SRRT: variants seen among roughly 807,000 people sequenced by gnomAD.
SRRT encodes the protein serrate, RNA effector molecule.
Under a neutral mutation model 103.2 loss-of-function variants are expected in SRRT, and 32 were observed. The ratio of observed to expected loss-of-function variants is 0.31; its 90% CI spans 0.23 to 0.42. The LOEUF (loss-of-function observed/expected upper bound fraction) is 0.42, where lower values mean the gene tolerates loss of function less well. Among genes scored for constraint, SRRT ranks in the 10% least tolerant of loss-of-function variants. The pLI is 1.00. For synonymous variants in SRRT, 525 were observed against 449.0 expected (o/e 1.17, Z -2.14); for missense variants, 986 against 1,207.5 (o/e 0.82, Z 2.72).
chr7:100,886,295 C>T lies in SRRT; in HGVS notation c.1507C>T (p.Arg503Cys). 2.5e-6 allele frequency: 4 copies of T among 1,613,170 alleles called. No individual in the cohort carries two copies. Among genetic ancestry groups the T allele is most frequent in the South Asian group, 1.1e-5 (1 of 91,034 alleles). Reference protein sequence around the residue: ...SPGVNRDLTRRVRNINGITQH... With the variant: ...SPGVNRDLTRCVRNINGITQH... ...TGGTGTGAACAGGGACCTGACCCGG[C>T]GCGTTCGCAACATCAACGGCATCAC... Residue 503 changes from arginine to cysteine, a missense_variant, in exon 13 of 20, where the codon CGC (arginine) becomes TGC (cysteine). Arg to Cys is a radical substitution (Grantham distance 180). Around this residue, in one of 6 missense-constraint regions of SRRT, gnomAD observed 349 missense variants for 446.9 expected, o/e 0.78. Coordinates refer to ENST00000611405, the MANE Select transcript of SRRT (RefSeq NM_015908.6).
chr7:100,878,100 C>G (rs1815925352), intron 2 of SRRT, among the ~76,000 whole-genome samples: 1 of 152,022 alleles, frequency 6.6e-6, no homozygotes, highest in African/African-American at 2.4e-5. Flanking sequence ...TTGCTTGAGC[C>G]CAGGAATTTG....
chr7:100,878,830 T>A (rs1160879497), intron 2 of SRRT, among the ~76,000 whole-genome samples: 1 of 152,180 alleles, frequency 6.6e-6, no homozygotes, highest in Non-Finnish European at 1.5e-5. Context: ...GCCTCCTGAT[T>A]AGCTGGGACT....
In SRRT at chr7:100,885,682, G is replaced by C. The variant is rs371724141; in HGVS notation, c.1318-19G>C. ...TGAATCCTTGAGTCACTGTGGGGCT[G>C]CTTTTCTGCTTCTTGCAGCTTTGTA... is the stretch of plus-strand genomic sequence containing the variant. On this transcript the variant is annotated intron_variant, in intron 10 of 19. Transcript: ENST00000611405. The surrounding 1 kb of genome is among the most constrained non-coding windows in gnomAD (Gnocchi z 4.8). The C allele has an allele frequency of 6.3e-7, 1 of 1,599,460 alleles. No homozygotes were observed. The highest frequency in any genetic ancestry group is 8.5e-7 in the Non-Finnish European group (1 of 1,172,126).
In SRRT at chr7:100,887,236, CT is replaced by C. The variant is rs764151145; in HGVS notation, c.1975+37del. The C allele has an allele frequency of 9.9e-6, 16 of 1,613,296 alleles. No homozygotes were observed. The highest frequency in any genetic ancestry group is 1.4e-5 in the Non-Finnish European group (16 of 1,179,382). ...GGTTCCCCTTTGTTCCCGGCTGCCC[CT>C]GGCCTTGGTCCTCCAGCCCCTTGCC... On this transcript the variant is annotated intron_variant, in intron 15 of 19. Coordinates refer to ENST00000611405, the MANE Select transcript of SRRT (RefSeq NM_015908.6). The surrounding 1 kb of genome is among the most constrained non-coding windows in gnomAD (Gnocchi z 4.1).
chr7:100,887,136 C>G lies in SRRT; in HGVS notation c.1911C>G (p.Pro637=). Reference sequence around the variant, plus strand: ...AGTACCCCAACGAGGACGAGATGCCCAATCGCTGTGGGATCATCCACGTTC... The same window carrying G: ...AGTACCCCAACGAGGACGAGATGCCGAATCGCTGTGGGATCATCCACGTTC... ...TCEYPNEDEM[P]NRCGIIHVRG... The change falls in exon 15 of 20, where the codon CCC becomes CCG. Residue 637 remains proline, a synonymous_variant. Coordinates refer to ENST00000611405, the MANE Select transcript of SRRT (RefSeq NM_015908.6). The surrounding 1 kb of genome is among the most constrained non-coding windows in gnomAD (Gnocchi z 4.1). 1 of 1,614,220 alleles carries G rather than the reference C, an allele frequency of 6.2e-7. No individual in the cohort carries two copies. The highest frequency in any genetic ancestry group is 8.5e-7 in the Non-Finnish European group (1 of 1,180,048).
rs1444536949 is a variant in SRRT, at chr7:100,882,287, T to A, written c.587+46T>A. On this transcript the variant is annotated intron_variant, in intron 5 of 19. Transcript: ENST00000611405. This position sits in a 1 kb window ranked among gnomAD's most constrained non-coding sequence, Gnocchi z 4.2. ...GGACCTCTGCCCTGGCATGTCCCCCTGGCCCCGCTGGTGGAGCCACAGCCC... is the reference window on the plus strand; with the variant it reads ...GGACCTCTGCCCTGGCATGTCCCCCAGGCCCCGCTGGTGGAGCCACAGCCC... 6.3e-7 allele frequency: 1 copy of A among 1,586,672 alleles called. No homozygotes were observed. The highest frequency in any genetic ancestry group is 8.6e-7 in the Non-Finnish European group (1 of 1,162,434).
chr7:100,887,520 G>C lies in SRRT; in HGVS notation c.2169+7G>C. On this transcript the variant is annotated splice_region_variant and intron_variant, in intron 16 of 19. Coordinates refer to ENST00000611405, the MANE Select transcript of SRRT (RefSeq NM_015908.6). The surrounding 1 kb of genome is among the most constrained non-coding windows in gnomAD (Gnocchi z 4.1). ...CAGTGGCAAGAAATTCAAGGTGTGG[G>C]ATGTTGGAGAATGGCCGTGCTACGG... The C allele has an allele frequency of 6.2e-7, 1 of 1,613,114 alleles. No individual in the cohort carries two copies. Among genetic ancestry groups the C allele is most frequent in the Non-Finnish European group, 8.5e-7 (1 of 1,179,328 alleles).
Position 100,885,482 on chromosome 7 carries a change from C to T in SRRT, c.1317+112C>T. 1.6e-6 allele frequency: 2 copies of T among 1,276,850 alleles called. No homozygotes were observed. The highest frequency in any genetic ancestry group is 2.2e-6 in the Non-Finnish European group (2 of 928,182). The allele number at this position is 1,276,850 out of a possible 1,614,324, so 79.1% of individuals were successfully genotyped here. On this transcript the variant is annotated intron_variant, in intron 10 of 19. Transcript: ENST00000611405. This position sits in a 1 kb window ranked among gnomAD's most constrained non-coding sequence, Gnocchi z 4.8. ...GCCCCCGTTTCACCTGCTAGGGAGG[C>T]CCCTTCCCCAGGTTCCATGGCCTCC...
chr7:100,884,192 T>C lies in SRRT; in HGVS notation c.710T>C (p.Leu237Pro). The part of the protein sequence containing the change: ...LMETGWFDNL[L>P]LDIDKADAIV... ...GAGACTGGCTGGTTTGATAACCTTC[T>C]CCTGGACATAGACAAAGCTGATGCC... The change falls in exon 6 of 20, where the codon CTC becomes CCC. Residue 237 changes from leucine to proline, a missense_variant. Around this residue, in one of 6 missense-constraint regions of SRRT, gnomAD observed 274 missense variants for 358.5 expected, o/e 0.76. Transcript: ENST00000611405. 6.2e-7 allele frequency: 1 copy of C among 1,614,138 alleles called. No individual in the cohort carries two copies. The highest frequency in any genetic ancestry group is 8.5e-7 in the Non-Finnish European group (1 of 1,180,024).
rs1468218551 is a variant in SRRT, at chr7:100,884,122, C to CG, written c.646dup (p.Ala216GlyfsTer19). ...GGTGGGGAAGCGTCGGCAGGAGGCC[C>CG]GGGGGGCCCTGCAAAACCGACTGAG... is the stretch of plus-strand genomic sequence containing the variant. On this transcript the variant is annotated frameshift_variant, in exon 6 of 20. Coordinates refer to ENST00000611405, the MANE Select transcript of SRRT (RefSeq NM_015908.6). LOFTEE classifies it high-confidence loss of function. 2.5e-6 allele frequency: 4 copies of CG among 1,611,878 alleles called. No individual in the cohort carries two copies. The highest frequency in any genetic ancestry group is 2.5e-6 in the Non-Finnish European group (3 of 1,179,452).
In SRRT at chr7:100,886,983, G is replaced by A. The variant is rs373024927; in HGVS notation, c.1821+15G>A. On this transcript the variant is annotated intron_variant, in intron 14 of 19. Coordinates refer to ENST00000611405, the MANE Select transcript of SRRT (RefSeq NM_015908.6). ...AGTTGATTAAGGTGCCAGTGGCAGC[G>A]CGGGGCACGTGGGGGCTCGGGCGGT... 88 of 1,609,628 alleles carry A rather than the reference G, an allele frequency of 5.5e-5. No homozygotes were observed. In the Middle Eastern group the frequency reaches 1.6e-3, roughly 30 times the overall value.
At position 100,884,128 on chromosome 7, in the gene SRRT, G is replaced by T. The variant is rs773520881; in HGVS notation, c.646G>T (p.Ala216Ser). 1.6e-5 allele frequency: 26 copies of T among 1,612,762 alleles called. No homozygotes were observed. In the South Asian group the frequency reaches 2.3e-4, roughly 14 times the overall value. The stretch of plus-strand genomic sequence containing the variant: ...GAAGCGTCGGCAGGAGGCCCGGGGG[G>T]CCCTGCAAAACCGACTGAGGGTCTT... ...VGKRRQEARG[A>S]LQNRLRVFLS... The change falls in exon 6 of 20, where the codon GCC becomes TCC. Residue 216 changes from alanine to serine, a missense_variant. Around this residue, in one of 6 missense-constraint regions of SRRT, gnomAD observed 274 missense variants for 358.5 expected, o/e 0.76. Transcript: ENST00000611405.
At chr7:100,879,984 T>TGATGA (rs1484059466) in intron 2 of SRRT, among the ~76,000 whole-genome samples, 2 of 152,064 alleles carry the variant, frequency 1.3e-5, no homozygotes, top group Admixed American at 6.5e-5. Flanking sequence ...CGGTGTGATG[T>TGATGA]GATGAGACTT....
chr7:100,881,157 C>A, intron 2 of SRRT, 128 bp from the exon 3 acceptor site: 1 of 952,280 alleles, frequency 1.1e-6, no homozygotes, highest in Non-Finnish European at 1.6e-6. Flanking sequence ...GGGGGTCTCA[C>A]TATTGCCCAG....
rs558839605 is a variant in SRRT, at chr7:100,885,756, A to G, written c.1373A>G (p.Glu458Gly). 6.2e-7 allele frequency: 1 copy of G among 1,614,142 alleles called. No homozygotes were observed. Among genetic ancestry groups the G allele is most frequent in the South Asian group, 1.1e-5 (1 of 91,068 alleles). ...MRVALSEPQP[E>G]RRFFRRGWVT... ...GTGGCGCTCTCAGAGCCCCAGCCAG[A>G]GAGGAGGTGAGTAACTCGGTGCGTT... The change falls in exon 11 of 20, where the codon GAG becomes GGG. Residue 458 changes from glutamate to glycine, a missense_variant. Glu to Gly is a moderately conservative substitution (Grantham distance 98). This residue lies in a region of SRRT where 349 missense variants were observed against 446.9 expected (regional missense o/e 0.78). Transcript: ENST00000611405. The surrounding 1 kb of genome is among the most constrained non-coding windows in gnomAD (Gnocchi z 4.8).
chr7:100,880,919 A>G, intron 2 of SRRT: 2 of 276,712 alleles, frequency 7.2e-6, no homozygotes, highest in Non-Finnish European at 1.4e-5. Flanking sequence ...TTGTTTTGAG[A>G]CAGGGTCTCT....
chr7:100,875,942 G>T, intron 2 of SRRT: 1 of 501,310 alleles, frequency 2.0e-6, no homozygotes, highest in Non-Finnish European at 3.6e-6. Context: ...TGAGTATGAA[G>T]AAGCACTGTT....
Position 100,884,891 on chromosome 7 carries a change from C to T in SRRT, c.1042-32C>T, listed in dbSNP as rs994913672. ...GTGTTGGGGCTGGGGTTCTGGCACGCTGACTTGTCCCCTCTGCTGTGGCTC... is the reference window on the plus strand; with the variant it reads ...GTGTTGGGGCTGGGGTTCTGGCACGTTGACTTGTCCCCTCTGCTGTGGCTC... On this transcript the variant is annotated intron_variant, in intron 8 of 19. Transcript: ENST00000611405. The T allele has an allele frequency of 6.8e-6, 11 of 1,613,772 alleles. No homozygotes were observed. In the African/African-American group the frequency reaches 1.5e-4, roughly 22 times the overall value.
chr7:100,888,587 T>G lies in SRRT; in HGVS notation c.*38T>G. On this transcript the variant is annotated 3_prime_UTR_variant, in exon 20 of 20. Coordinates refer to ENST00000611405, the MANE Select transcript of SRRT (RefSeq NM_015908.6). ...TCCTCAGTCCTGTATCATCCATACT[T>G]GTACTACCTTGTCCTATGAAGCTCT... The G allele has an allele frequency of 6.2e-7, 1 of 1,611,900 alleles. No individual in the cohort carries two copies. The highest frequency in any genetic ancestry group is 8.5e-7 in the Non-Finnish European group (1 of 1,177,986).
Sources: allele counts gnomAD v4.1 joint callset (sites outside exome capture counted in the v4.1 genomes callset), GRCh38; gene constraint gnomAD v4.1.1; regional missense constraint gnomAD v4.1.1; non-coding constraint Gnocchi (gnomAD v3.1); transcripts MANE v1.5; gene names NCBI Gene and HGNC (gene_info 2026-07-23, HGNC 2026-07-21).